The following THEMIS variants were observed in gnomAD, a reference collection of about 807,000 sequenced individuals.
The protein encoded by THEMIS is thymocyte selection associated.
In THEMIS, 37 loss-of-function variants were observed where a neutral mutation model predicts 52.6. The observed-to-expected ratio is 0.70, with a 90% CI of 0.54 to 0.93. The LOEUF is 0.93. Among genes scored for constraint, THEMIS ranks in the 40% least tolerant of loss-of-function variants. THEMIS has a pLI of 0.00. For synonymous variants in THEMIS, 292 were observed against 272.7 expected, an observed-to-expected ratio of 1.07 and a Z score of -0.70; for missense variants, 808 against 763.1, an observed-to-expected ratio of 1.06 and a Z score of -0.69.
the THEMIS span, among the ~76,000 whole-genome samples, chr6:127,698,457 C>T: frequency 4.6e-5 from 7 of 151,996 alleles, no homozygotes; most frequent in Non-Finnish European, 8.8e-5. Flanking sequence ...TGCCCTCTTT[C>T]GTTAATATCC....
At chr6:127,883,637 GA>G (rs769402144) in intron 1 of THEMIS, among the ~76,000 whole-genome samples, 3 of 151,928 alleles carry the variant, frequency 2.0e-5, no homozygotes, top group Non-Finnish European at 4.4e-5. Flanking sequence ...CTATTCAGTA[GA>G]AACCATACTT....
chr6:127,772,903 T>C (rs1471667753), intron 4 of THEMIS, among the ~76,000 whole-genome samples: 2 of 152,180 alleles, frequency 1.3e-5, no homozygotes, highest in Non-Finnish European at 2.9e-5. Flanking sequence ...AATATTAACA[T>C]TTGTTTATTA....
intron 2 of THEMIS, among the ~76,000 whole-genome samples, chr6:127,839,646 G>A (rs1431093360): frequency 6.6e-6 from 1 of 152,046 alleles, no homozygotes; most frequent in African/African-American, 2.4e-5. Flanking sequence ...GGGATTACAG[G>A]CATGAGCCAC....
intron 4 of THEMIS, among the ~76,000 whole-genome samples, chr6:127,795,675 AAAGTACAGG>A (rs1777308220): frequency 6.6e-6 from 1 of 152,190 alleles, no homozygotes; most frequent in Non-Finnish European, 1.5e-5. Flanking sequence ...GGCTCATTTG[AAAGTACAGG>A]AAGCTGAGAA....
chr6:127,747,704 G>C (rs1775498729), intron 4 of THEMIS, among the ~76,000 whole-genome samples: 1 of 151,666 alleles, frequency 6.6e-6, no homozygotes, highest in African/African-American at 2.4e-5. Flanking sequence ...AAATATAGTG[G>C]GATAATATGT....
intron 1 of THEMIS, among the ~76,000 whole-genome samples, chr6:127,861,783 C>CAAAAAAAAAAAAAAAAAAAAAAAAAAA (rs1225783673): frequency 3.3e-4 from 32 of 95,698 alleles, no homozygotes; most frequent in African/African-American, 4.0e-4. Context: ...GACTCCATCT[C>CAAAAAAAAAAAAAAAAAAAAAAAAAAA]AAAAAAAAAA....
At chr6:127,815,473 A>G (rs1326654638) in intron 3 of THEMIS, among the ~76,000 whole-genome samples, 1 of 152,196 alleles carries the variant, frequency 6.6e-6, no homozygotes. Context: ...CTGTGTAATT[A>G]TAGAGTTTCT....
intron 3 of THEMIS, 52 bp from the exon 4 acceptor site, chr6:127,813,983 C>T (rs748370612): frequency 2.1e-6 from 3 of 1,396,950 alleles, no homozygotes; most frequent in East Asian, 4.7e-5. Context: ...AAAACGTTTG[C>T]TGTGAGATAC....
chr6:127,892,335 C>G (rs984988093), intron 1 of THEMIS, among the ~76,000 whole-genome samples: 6 of 152,284 alleles, frequency 3.9e-5, no homozygotes, highest in Admixed American at 3.9e-4. Flanking sequence ...ATTCAGGTCC[C>G]TGCTCAAATT....
chr6:127,887,232 T>C (rs904294801), intron 1 of THEMIS, among the ~76,000 whole-genome samples: 9 of 152,016 alleles, frequency 5.9e-5, no homozygotes, highest in African/African-American at 1.9e-4. Context: ...TGAAGAGACA[T>C]GTGATCAAAG....
intron 4 of THEMIS, among the ~76,000 whole-genome samples, chr6:127,805,553 CG>C (rs1562268463): frequency 1.3e-5 from 2 of 151,966 alleles, no homozygotes; most frequent in South Asian, 4.2e-4. Flanking sequence ...TTTCTTCTTA[CG>C]TTTTTTACTT....
intron 1 of THEMIS, among the ~76,000 whole-genome samples, chr6:127,861,273 C>T (rs888438117): frequency 1.3e-5 from 2 of 152,062 alleles, no homozygotes; most frequent in Non-Finnish European, 2.9e-5. Context: ...TTAATATAGA[C>T]ATCTATAGCC....
At chr6:127,763,883 T>A (rs1776105465) in intron 4 of THEMIS, among the ~76,000 whole-genome samples, 1 of 151,976 alleles carries the variant, frequency 6.6e-6, no homozygotes, top group African/African-American at 2.4e-5. Context: ...TTTTGCTTTT[T>A]TGATACAGTT....
At chr6:127,746,837 T>C (rs1177630969) in intron 4 of THEMIS, among the ~76,000 whole-genome samples, 42 of 44,142 alleles carry the variant, frequency 9.5e-4, no homozygotes, top group African/African-American at 4.4e-3. Flanking sequence ...TATATAATTA[T>C]ATTATATATA....
intron 1 of THEMIS, among the ~76,000 whole-genome samples, chr6:127,860,642 T>C (rs553113628): frequency 2.2e-4 from 34 of 152,166 alleles, no homozygotes; most frequent in Non-Finnish European, 4.6e-4. Flanking sequence ...TAAAAGTTCC[T>C]ACAGATTGGA....
chr6:127,756,539 CCT>C (rs1775833718), intron 4 of THEMIS, among the ~76,000 whole-genome samples: 1 of 152,086 alleles, frequency 6.6e-6, no homozygotes, highest in Admixed American at 6.6e-5. Flanking sequence ...TCCTGAAAGT[CCT>C]CTGTCACTCA....
chr6:127,847,940 T>C (rs1195611531), intron 2 of THEMIS, among the ~76,000 whole-genome samples: 2 of 150,138 alleles, frequency 1.3e-5, no homozygotes, highest in African/African-American at 4.9e-5. Flanking sequence ...TATTATACTT[T>C]AAGTTTTAGG....
intron 2 of THEMIS, among the ~76,000 whole-genome samples, chr6:127,848,599 T>C (rs1779306647): frequency 6.6e-6 from 1 of 152,144 alleles, no homozygotes; most frequent in African/African-American, 2.4e-5. Context: ...GTTTCCTGAC[T>C]TTTTAATGAT....
intron 1 of THEMIS, among the ~76,000 whole-genome samples, chr6:127,891,783 G>A (rs886467708): frequency 6.6e-6 from 1 of 152,064 alleles, no homozygotes; most frequent in African/African-American, 2.4e-5. Context: ...TGCTCAAACT[G>A]GTCATTGGCG....
Sources: gnomAD v4.1 joint callset for allele counts (sites outside exome capture counted in the v4.1 genomes callset) on GRCh38, gnomAD v4.1.1 for gene constraint, MANE v1.5 for transcripts, NCBI Gene and HGNC (gene_info 2026-07-23, HGNC 2026-07-21) for gene names.